Variants in SLC35F2 observed in about 807,000 individuals in gnomAD.
SLC35F2 encodes solute carrier family 35 member F2, also known as queuine/queuosine transporter SLC35F2.
Under a neutral mutation model 38.1 loss-of-function variants are expected in SLC35F2, and 25 were observed. The ratio of observed to expected loss-of-function variants is 0.66; its 90% CI spans 0.48 to 0.92. The LOEUF (loss-of-function observed/expected upper bound fraction) is 0.92, where lower values mean the gene tolerates loss of function less well. Among genes scored for constraint, SLC35F2 ranks in the 40% least tolerant of loss-of-function variants. The pLI is 0.00. For missense variants in SLC35F2, 409 were observed against 452.9 expected, an observed-to-expected ratio of 0.90 and a Z score of 0.88; for synonymous variants, 173 against 181.7, an observed-to-expected ratio of 0.95 and a Z score of 0.38.
At chr11:107,830,580 T>C (rs1859823367) in intron 1 of SLC35F2, among the ~76,000 whole-genome samples, 1 of 100,254 alleles carries the variant, frequency 1.0e-5, no homozygotes, top group African/African-American at 4.5e-5. Flanking sequence ...CAAGACTCAG[T>C]CTCAAAAAAA....
intron 1 of SLC35F2, among the ~76,000 whole-genome samples, chr11:107,843,901 ATATATATG>A (rs1165626096): frequency 1.1e-4 from 13 of 119,526 alleles, no homozygotes; most frequent in African/African-American, 3.2e-4. Flanking sequence ...ATATATATAT[ATATATATG>A]TATATTAATT....
chr11:107,836,918 G>T (rs776224371), intron 1 of SLC35F2, among the ~76,000 whole-genome samples: 15 of 152,096 alleles, frequency 9.9e-5, no homozygotes, highest in Non-Finnish European at 1.8e-4. Context: ...TCATCTCAGC[G>T]AATTTCCTTA....
At chr11:107,821,713 G>A (rs969798918) in intron 1 of SLC35F2, 7 of 737,226 alleles carry the variant, frequency 9.5e-6, no homozygotes, top group South Asian at 6.1e-5. Context: ...ATCCTGTCCC[G>A]GTTTTACTAA....
At chr11:107,825,874 TGTTGCTGG>T (rs1859746868) in intron 1 of SLC35F2, among the ~76,000 whole-genome samples, 1 of 152,200 alleles carries the variant, frequency 6.6e-6, no homozygotes, top group Non-Finnish European at 1.5e-5. Context: ...TACTTCTGAC[TGTTGCTGG>T]TAAAAGCGTA....
intron 7 of SLC35F2, 74 bp from the exon 8 acceptor site, chr11:107,792,874 C>A: frequency 6.9e-7 from 1 of 1,441,630 alleles, no homozygotes; most frequent in South Asian, 1.6e-5. Flanking sequence ...GCCAACTGTG[C>A]TTCGAGGATT....
chr11:107,821,756 G>A (rs1186879617), intron 1 of SLC35F2, among the ~76,000 whole-genome samples: 1 of 152,154 alleles, frequency 6.6e-6, no homozygotes, highest in Non-Finnish European at 1.5e-5. Context: ...TTCAATGGCA[G>A]GATATGATCC....
chr11:107,804,822 T>C, intron 5 of SLC35F2, 52 bp from the exon 6 acceptor site: 1 of 1,458,532 alleles, frequency 6.9e-7, no homozygotes, highest in Non-Finnish European at 9.5e-7. Flanking sequence ...ATTTTCACTA[T>C]TTTATAAGCA....
chr11:107,810,940 C>T (rs1397524517), intron 3 of SLC35F2: 1 of 972,056 alleles, frequency 1.0e-6, no homozygotes, highest in Non-Finnish European at 1.2e-6. Flanking sequence ...ACATCTGATA[C>T]ACACTTTTTT....
At chr11:107,806,611 G>C in intron 4 of SLC35F2, 106 bp downstream of exon 4, 2 of 1,021,780 alleles carry the variant, frequency 2.0e-6, no homozygotes, top group Non-Finnish European at 3.1e-6. Context: ...CCTACACAGT[G>C]ACTTAAAAAG....
intron 1 of SLC35F2, among the ~76,000 whole-genome samples, chr11:107,840,267 C>T (rs1401193972): frequency 6.6e-6 from 1 of 152,140 alleles, no homozygotes; most frequent in Non-Finnish European, 1.5e-5. Context: ...AATAAACGTG[C>T]TGCCATTTCA....
At chr11:107,841,563 A>G (rs917152305) in intron 1 of SLC35F2, among the ~76,000 whole-genome samples, 21 of 150,712 alleles carry the variant, frequency 1.4e-4, no homozygotes, top group Non-Finnish European at 2.7e-4. Context: ...CAACTCAAAA[A>G]AAAAAAAAAA....
chr11:107,808,230 C>T (rs974027462), intron 3 of SLC35F2, among the ~76,000 whole-genome samples: 9 of 152,134 alleles, frequency 5.9e-5, no homozygotes, highest in Non-Finnish European at 1.3e-4. Context: ...CACATGCTCC[C>T]CCTCACCTGT....
intron 3 of SLC35F2, among the ~76,000 whole-genome samples, chr11:107,807,568 TTTATTA>T (rs1021186672): frequency 2.6e-5 from 3 of 113,758 alleles, no homozygotes; most frequent in African/African-American, 1.0e-4. Flanking sequence ...TTTCTTTTAT[TTTATTA>T]TTATTATTTT....
chr11:107,853,612 C>T (rs1323020236), intron 1 of SLC35F2, among the ~76,000 whole-genome samples: 4 of 146,144 alleles, frequency 2.7e-5, no homozygotes, highest in South Asian at 2.2e-4. Context: ...CCCAGCTACT[C>T]GGGAGGCTGA....
chr11:107,851,814 C>T (rs4754264), intron 1 of SLC35F2, among the ~76,000 whole-genome samples: 1 of 151,788 alleles, frequency 6.6e-6, no homozygotes, highest in Admixed American at 6.6e-5. Context: ...TATGGAGACT[C>T]GTAGAATCCA....
intron 7 of SLC35F2, among the ~76,000 whole-genome samples, chr11:107,800,772 G>GA (rs765731992): frequency 3.9e-5 from 6 of 152,212 alleles, no homozygotes; most frequent in Non-Finnish European, 8.8e-5. Flanking sequence ...TTTTTGTAGG[G>GA]ATGGGGTTTT....
intron 1 of SLC35F2, among the ~76,000 whole-genome samples, chr11:107,824,287 G>T (rs1040118661): frequency 3.9e-5 from 6 of 152,168 alleles, no homozygotes; most frequent in African/African-American, 1.4e-4. Flanking sequence ...CTCAGTAAAT[G>T]TTTATTAACA....
chr11:107,856,280 G>A (rs1052784051), intron 1 of SLC35F2, among the ~76,000 whole-genome samples: 2 of 152,160 alleles, frequency 1.3e-5, no homozygotes, highest in Non-Finnish European at 2.9e-5. Flanking sequence ...AGCTAATGGT[G>A]ACAACTAACC....
In SLC35F2 at chr11:107,792,626, C is replaced by T. The variant is rs1434273835; in HGVS notation, c.1114G>A (p.Ala372Thr). 1.9e-6 allele frequency: 3 copies of T among 1,610,322 alleles called. No individual in the cohort carries two copies. The highest frequency in any genetic ancestry group is 2.2e-5 in the South Asian group (2 of 90,190). Residue 372 changes from alanine (A) to threonine (T), a missense_variant, in exon 8 of 8, where the codon GCT becomes ACT. Physicochemically the swap from Ala to Thr is moderately conservative, Grantham distance 58 (BLOSUM62 0). Transcript: ENST00000525815. ...GCCATCTTCTCCAGCTACAAGACAG[C>T]AGAGTGGGTCTCCTGGAGGTTCTCC... The part of the protein sequence containing the change: ...LEENLQETHS[A>T]VL
Sources: allele counts gnomAD v4.1 joint callset (sites outside exome capture counted in the v4.1 genomes callset), GRCh38; gene constraint gnomAD v4.1.1; transcripts MANE v1.5; gene names NCBI Gene and HGNC (gene_info 2026-07-23, HGNC 2026-07-21).